Variants in GFRA2 observed in about 807,000 individuals in gnomAD.
The protein encoded by GFRA2 is GDNF family receptor alpha 2.
In GFRA2, 17 loss-of-function variants were observed where a neutral mutation model predicts 48.3. The observed-to-expected ratio is 0.35, with a 90% CI of 0.24 to 0.53. The LOEUF (loss-of-function observed/expected upper bound fraction) is 0.53, where lower values mean the gene tolerates loss of function less well. Ranked by LOEUF, GFRA2 falls within the 20% of genes least tolerant of loss-of-function variation. The pLI, the probability that GFRA2 is intolerant of heterozygous loss-of-function variation, is 0.93. For synonymous variants in GFRA2, 305 were observed against 257.2 expected, an observed-to-expected ratio of 1.19 and a Z score of -1.78; for missense variants, 660 against 637.3, an observed-to-expected ratio of 1.04 and a Z score of -0.38.
chr8:21,802,169 C>G (rs1021628515), intron 2 of GFRA2, among the ~76,000 whole-genome samples: 27 of 152,370 alleles, frequency 1.8e-4, no homozygotes, highest in African/African-American at 4.1e-4. Flanking sequence ...ACGGGGCTCA[C>G]CCCTGATTCT....
intron 2 of GFRA2, among the ~76,000 whole-genome samples, chr8:21,776,343 C>T (rs1806706034): frequency 6.6e-6 from 1 of 151,892 alleles, no homozygotes; most frequent in Admixed American, 6.6e-5. Context: ...AAGCATATTC[C>T]CTGCATTAGG....
intron 3 of GFRA2, among the ~76,000 whole-genome samples, chr8:21,761,299 G>T (rs556041749): frequency 6.6e-6 from 1 of 152,198 alleles, no homozygotes; most frequent in African/African-American, 2.4e-5. Flanking sequence ...CTGGATTGAC[G>T]AATAAAACCA....
At chr8:21,766,269 A>G (rs146776272) in intron 3 of GFRA2, among the ~76,000 whole-genome samples, 5 of 151,870 alleles carry the variant, frequency 3.3e-5, no homozygotes, top group Non-Finnish European at 7.4e-5. Flanking sequence ...CCATCATCCT[A>G]TTTTAATTCT....
chr8:21,790,297 T>C (rs796785690), upstream of GFRA2, among the ~76,000 whole-genome samples: 20 of 152,268 alleles, frequency 1.3e-4, no homozygotes, highest in African/African-American at 4.8e-4. Flanking sequence ...CACGGTGTCC[T>C]GGGGTGGGGT....
At chr8:21,694,399 C>T in intron 8 of GFRA2, 65 bp downstream of exon 8, 9 of 1,472,530 alleles carry the variant, frequency 6.1e-6, no homozygotes, top group South Asian at 2.4e-5. Flanking sequence ...TGAGGCTCGC[C>T]GGGGAAATGC....
intron 3 of GFRA2, among the ~76,000 whole-genome samples, chr8:21,761,946 T>C (rs1003264373): frequency 6.6e-6 from 1 of 152,034 alleles, no homozygotes; most frequent in Admixed American, 6.5e-5. Context: ...AGCGAGACTC[T>C]GTCTAAAAAA....
chr8:21,760,840 C>A (rs1217654062), intron 3 of GFRA2, among the ~76,000 whole-genome samples: 1 of 152,042 alleles, frequency 6.6e-6, no homozygotes, highest in Non-Finnish European at 1.5e-5. Flanking sequence ...AAGGAGAGGA[C>A]CTTTAGCTGG....
intron 2 of GFRA2, among the ~76,000 whole-genome samples, chr8:21,799,125 T>A (rs1278278718): frequency 1.3e-5 from 2 of 152,214 alleles, no homozygotes; most frequent in African/African-American, 4.8e-5. Context: ...TCTACTTGTT[T>A]GGGAGTCACT....
intron 8 of GFRA2, 22 bp from the exon 9 acceptor site, chr8:21,693,422 A>C (rs759208346): frequency 6.3e-7 from 1 of 1,592,080 alleles, no homozygotes; most frequent in Non-Finnish European, 8.6e-7. Context: ...GCAGGAGAAG[A>C]ATCAGGAACA....
intron 4 of GFRA2, among the ~76,000 whole-genome samples, chr8:21,735,835 TAA>T (rs36035646): frequency 7.0e-5 from 10 of 143,554 alleles, no homozygotes; most frequent in African/African-American, 2.3e-4. Context: ...CCCAGATAAT[TAA>T]AAAAAAAAAA....
At chr8:21,758,458 C>T (rs1805698834) in intron 3 of GFRA2, among the ~76,000 whole-genome samples, 1 of 152,138 alleles carries the variant, frequency 6.6e-6, no homozygotes, top group African/African-American at 2.4e-5. Context: ...TTTAACCACC[C>T]TTCCTGCCTC....
At chr8:21,809,324 CTGTT>C (rs1247116661) in intron 1 of GFRA2, among the ~76,000 whole-genome samples, 1 of 152,132 alleles carries the variant, frequency 6.6e-6, no homozygotes, top group East Asian at 1.9e-4. Context: ...ATTTGTATCT[CTGTT>C]TGTTTTTGTT....
intron 2 of GFRA2, among the ~76,000 whole-genome samples, chr8:21,781,382 C>T (rs1210367378): frequency 6.6e-6 from 1 of 152,158 alleles, no homozygotes; most frequent in Non-Finnish European, 1.5e-5. Context: ...AAGCCACTTG[C>T]AGCTCTGTAA....
chr8:21,749,757 G>C (rs73669543), intron 4 of GFRA2, among the ~76,000 whole-genome samples: 3 of 151,158 alleles, frequency 2.0e-5, no homozygotes, highest in Admixed American at 1.3e-4. Context: ...GGGTCCTGGA[G>C]TCGGACGGTC....
rs1435482936 is a variant in GFRA2 at position 21,690,442 on chromosome 8, T to C, written c.*2836A>G. On this transcript the variant is annotated 3_prime_UTR_variant, in exon 9 of 9. Coordinates refer to ENST00000524240, the MANE Select transcript of GFRA2 (RefSeq NM_001495.5). Reference sequence around the variant, plus strand: ...ATTTATTCTTCTAGTTCGATTTGCATATTTTGAGAGAATCACAAATAGGAA... The same window carrying C: ...ATTTATTCTTCTAGTTCGATTTGCACATTTTGAGAGAATCACAAATAGGAA... The C allele has an allele frequency of 6.6e-6, 1 of 152,244 alleles. No homozygotes were observed. Among genetic ancestry groups the C allele is most frequent in the Non-Finnish European group, 1.5e-5 (1 of 68,052 alleles). The allele number at this position is 152,244 out of a possible 1,614,324, so 9.4% of individuals were successfully genotyped here.
chr8:21,723,118 C>T lies in GFRA2; in HGVS notation c.795-17077G>A, dbSNP rs145227667. On this transcript the variant is annotated intron_variant, in intron 4 of 8. Coordinates refer to ENST00000524240, the MANE Select transcript of GFRA2 (RefSeq NM_001495.5). ...TTGAACTGCAGCCTCTGGCTTCATC[C>T]AAGGAAAAGATAAAGCATCCAGGTA... Among the ~76,000 whole-genome samples, 752 of 152,230 alleles carry T rather than the reference C, an allele frequency of 4.9e-3. 11 individuals carry two copies. The highest frequency in any genetic ancestry group is 0.016 in the African/African-American group (672 of 41,520).
chr8:21,715,370 G>A (rs1008618307), intron 4 of GFRA2, among the ~76,000 whole-genome samples: 7 of 152,156 alleles, frequency 4.6e-5, no homozygotes, highest in Admixed American at 2.0e-4. Context: ...GTGCAATGGC[G>A]TGATCTGGGC....
intron 3 of GFRA2, among the ~76,000 whole-genome samples, chr8:21,760,570 G>C (rs1203060935): frequency 6.6e-6 from 1 of 152,168 alleles, no homozygotes; most frequent in Non-Finnish European, 1.5e-5. Context: ...GAATGAAATG[G>C]ACTATTCTGT....
intron 3 of GFRA2, among the ~76,000 whole-genome samples, chr8:21,768,881 C>A (rs1268093129): frequency 1.3e-5 from 2 of 152,294 alleles, no homozygotes; most frequent in East Asian, 3.9e-4. Context: ...TTCACCGTCC[C>A]CTGAGCCCCC....
Sources: allele counts gnomAD v4.1 joint callset (sites outside exome capture counted in the v4.1 genomes callset), GRCh38; gene constraint gnomAD v4.1.1; transcripts MANE v1.5; gene names NCBI Gene and HGNC (gene_info 2026-07-23, HGNC 2026-07-21).